The following RB1CC1 variants were observed in gnomAD, a reference collection of about 807,000 sequenced individuals.
RB1CC1 encodes RB1-inducible coiled-coil protein 1.
A neutral mutation model predicts 177.5 loss-of-function variants in RB1CC1; 46 were observed. That is an observed-to-expected ratio of 0.26 (90% CI 0.20 to 0.33). The LOEUF (loss-of-function observed/expected upper bound fraction) is 0.33, where lower values mean the gene tolerates loss of function less well. Among genes scored for constraint, RB1CC1 ranks in the 10% least tolerant of loss-of-function variants. The pLI, the probability that RB1CC1 is intolerant of heterozygous loss-of-function variation, is 1.00. For synonymous variants in RB1CC1, 666 were observed against 613.6 expected (o/e 1.09, Z -1.26); for missense variants, 1,703 against 1,816.3 (o/e 0.94, Z 1.13).
chr8:52,661,774 G>C, intron 8 of RB1CC1, 55 bp from the exon 9 acceptor site: 4 of 1,325,518 alleles, frequency 3.0e-6, no homozygotes, highest in Non-Finnish European at 4.0e-6. Context: ...GAAAGGTATG[G>C]ACATTCAGTT....
chr8:52,688,449 G>T, intron 1 of RB1CC1, among the ~76,000 whole-genome samples: 1 of 152,072 alleles, frequency 6.6e-6, no homozygotes, highest in Non-Finnish European at 1.5e-5. Context: ...GATACACCCT[G>T]GTCTCCTGCA....
intron 7 of RB1CC1, among the ~76,000 whole-genome samples, chr8:52,673,608 T>C (rs1014688053): frequency 1.3e-5 from 2 of 152,208 alleles, no homozygotes; most frequent in Non-Finnish European, 2.9e-5. Flanking sequence ...GTATGTAAAT[T>C]ATTCTTATTG....
chr8:52,707,914 G>C (rs1247006462), intron 1 of RB1CC1, among the ~76,000 whole-genome samples: 2 of 152,122 alleles, frequency 1.3e-5, no homozygotes, highest in Non-Finnish European at 2.9e-5. Flanking sequence ...CTGAGGCTCA[G>C]GTAACCTCCA....
intron 1 of RB1CC1, among the ~76,000 whole-genome samples, chr8:52,687,655 C>T (rs1239293688): frequency 6.6e-6 from 1 of 152,094 alleles, no homozygotes; most frequent in African/African-American, 2.4e-5. Context: ...TGACAATTCT[C>T]AAGGAACTGA....
intron 22 of RB1CC1, among the ~76,000 whole-genome samples, chr8:52,626,420 T>C (rs1188543818): frequency 3.3e-5 from 5 of 152,142 alleles, no homozygotes; most frequent in Admixed American, 6.5e-5. Flanking sequence ...TGGGCTAAGA[T>C]GTAACTTATC....
chr8:52,648,946 A>G (rs1850308845), intron 15 of RB1CC1, among the ~76,000 whole-genome samples: 1 of 152,196 alleles, frequency 6.6e-6, no homozygotes, highest in African/African-American at 2.4e-5. Flanking sequence ...GGACTGCAAT[A>G]CTGATAACCC....
chr8:52,654,048 T>A (rs1011055354), intron 15 of RB1CC1, among the ~76,000 whole-genome samples: 2 of 152,186 alleles, frequency 1.3e-5, no homozygotes, highest in Non-Finnish European at 2.9e-5. Context: ...TACCATGTTC[T>A]TATTCAACAT....
At chr8:52,642,320 C>CTTAAAAACAG (rs777458843) in intron 18 of RB1CC1, 31 bp downstream of exon 18, 7 of 1,591,038 alleles carry the variant, frequency 4.4e-6, no homozygotes, top group Non-Finnish European at 6.0e-6. Context: ...TTGCAACAGC[C>CTTAAAAACAG]TTAAAAACAG....
chr8:52,708,801 G>A (rs911031439), intron 1 of RB1CC1, among the ~76,000 whole-genome samples: 2 of 152,156 alleles, frequency 1.3e-5, no homozygotes, highest in Non-Finnish European at 2.9e-5. Flanking sequence ...GATCCGACAG[G>A]GTGGTGGACA....
intron 1 of RB1CC1, among the ~76,000 whole-genome samples, chr8:52,701,470 G>T (rs1856047664): frequency 6.6e-6 from 1 of 152,138 alleles, no homozygotes; most frequent in Non-Finnish European, 1.5e-5. Flanking sequence ...AAAGGAGTTT[G>T]ATTACTGCTT....
intron 3 of RB1CC1, 78 bp from the exon 4 acceptor site, chr8:52,684,091 A>AAC (rs1416315245): frequency 6.8e-7 from 1 of 1,467,214 alleles, no homozygotes; most frequent in Admixed American, 2.3e-5. Context: ...ACTATGTAAA[A>AAC]ACACCTTAGA....
chr8:52,636,121 T>G, intron 18 of RB1CC1, 52 bp from the exon 19 acceptor site: 1 of 1,544,148 alleles, frequency 6.5e-7, no homozygotes, highest in Non-Finnish European at 8.7e-7. Context: ...CTTTACATTC[T>G]TCAAGATTTT....
chr8:52,687,606 T>C (rs902048659), intron 1 of RB1CC1, among the ~76,000 whole-genome samples: 3 of 152,170 alleles, frequency 2.0e-5, no homozygotes, highest in Non-Finnish European at 4.4e-5. Flanking sequence ...TGATAAGGAA[T>C]TGAAGATGGC....
At chr8:52,695,978 G>C (rs974277857) in intron 1 of RB1CC1, among the ~76,000 whole-genome samples, 3 of 152,202 alleles carry the variant, frequency 2.0e-5, no homozygotes, top group Non-Finnish European at 2.9e-5. Flanking sequence ...TACCTGAAAT[G>C]AGGGCAGTTT....
In RB1CC1 at chr8:52,623,460, C is replaced by T; in HGVS notation, c.*322G>A. The stretch of plus-strand genomic sequence containing the variant: ...TTCAAGCTAGTGTATATTTAACAGG[C>T]AATTAATATGGCTCATCATAAGCCA... On this transcript the variant is annotated 3_prime_UTR_variant, in exon 24 of 24. Coordinates refer to ENST00000025008, the MANE Select transcript of RB1CC1 (RefSeq NM_014781.5). The T allele has an allele frequency of 2.8e-6, 1 of 362,468 alleles. No homozygotes were observed. Among genetic ancestry groups the T allele is most frequent in the East Asian group, 6.9e-5 (1 of 14,586 alleles). 22.5% of individuals were successfully genotyped at this position (362,468 alleles called of 1,614,324 possible).
chr8:52,697,344 C>T (rs557090930), intron 1 of RB1CC1, among the ~76,000 whole-genome samples: 20 of 144,118 alleles, frequency 1.4e-4, no homozygotes, highest in Admixed American at 5.5e-4. Flanking sequence ...AAAAGATGGA[C>T]GAGACAAAAT....
At chr8:52,629,967 A>G (rs1390576543) in intron 21 of RB1CC1, among the ~76,000 whole-genome samples, 1 of 152,182 alleles carries the variant, frequency 6.6e-6, no homozygotes, top group African/African-American at 2.4e-5. Flanking sequence ...GGGGCTCCTG[A>G]GGGCTGTGTC....
rs528080203 is a variant in RB1CC1 at position 52,645,905 on chromosome 8, T to A, written c.3822-38A>T. ...ATACAGCATTAAATTAAAAAAAAAA[T>A]TACAGACACACAAATATACCAAATA... On this transcript the variant is annotated intron_variant, in intron 15 of 23. Coordinates refer to ENST00000025008, the MANE Select transcript of RB1CC1 (RefSeq NM_014781.5). The A allele has an allele frequency of 1.4e-4, 214 of 1,521,488 alleles. 1 individual carries two copies. In the South Asian group the frequency reaches 2.4e-3, roughly 17 times the overall value. The allele number at this position is 1,521,488 out of a possible 1,614,324, so 94.2% of individuals were successfully genotyped here.
intron 15 of RB1CC1, among the ~76,000 whole-genome samples, chr8:52,652,054 C>T (rs1168069211): frequency 1.3e-5 from 2 of 152,126 alleles, no homozygotes; most frequent in Non-Finnish European, 2.9e-5. Flanking sequence ...TTTCCAATTG[C>T]ATTCAGCATA....
Sources: gnomAD v4.1 joint callset for allele counts (sites outside exome capture counted in the v4.1 genomes callset) on GRCh38, gnomAD v4.1.1 for gene constraint, MANE v1.5 for transcripts, NCBI Gene and HGNC (gene_info 2026-07-23, HGNC 2026-07-21) for gene names.